The following CSMD2 variants were observed in gnomAD, a reference collection of about 807,000 sequenced individuals.
The protein encoded by CSMD2 is CUB and sushi domain-containing protein 2.
CSMD2 carries 130 observed loss-of-function variants against 398.5 expected under a neutral mutation model. The observed-to-expected ratio is 0.33, with a 90% confidence interval of 0.28 to 0.38. CSMD2 has a LOEUF of 0.38. CSMD2 is among the 10% of genes least tolerant of loss of function. The pLI, the probability that CSMD2 is intolerant of heterozygous loss-of-function variation, is 1.00. For missense variants in CSMD2, 3,829 were observed against 4,764.9 expected (o/e 0.80, Z 5.78); for synonymous variants, 1,828 against 1,908.5 (o/e 0.96, Z 1.10).
chr1:33,874,503 T>C (rs749002145), intron 5 of CSMD2, among the ~76,000 whole-genome samples: 4 of 152,092 alleles, frequency 2.6e-5, no homozygotes, highest in Non-Finnish European at 5.9e-5. Context: ...AATACCAGAG[T>C]ATTTGTATTT....
At chr1:33,599,906 T>C (rs1640096847) in intron 44 of CSMD2, 5 of 507,030 alleles carry the variant, frequency 9.9e-6, no homozygotes, top group Admixed American at 3.7e-5. Context: ...GTAATAACAC[T>C]GTATAGTCAC....
intron 22 of CSMD2, 122 bp from the exon 23 acceptor site, chr1:33,700,795 G>T: frequency 1.1e-6 from 1 of 922,946 alleles, no homozygotes; most frequent in Non-Finnish European, 1.7e-6. Flanking sequence ...CAGAGGCACA[G>T]TGAGTTATCA....
At chr1:33,542,975 A>G in intron 57 of CSMD2, 79 bp from the exon 58 acceptor site, 1 of 1,232,684 alleles carries the variant, frequency 8.1e-7, no homozygotes, top group South Asian at 1.4e-5. Context: ...CCCAGAGTGG[A>G]AGCCACATGC....
chr1:33,604,841 G>C (rs537131956), intron 42 of CSMD2, among the ~76,000 whole-genome samples: 1 of 152,208 alleles, frequency 6.6e-6, no homozygotes, highest in Admixed American at 6.5e-5. Context: ...AGCAGGGAGG[G>C]GGAAGATGAA....
intron 2 of CSMD2, among the ~76,000 whole-genome samples, chr1:34,052,775 A>T (rs1208021545): frequency 1.3e-5 from 2 of 152,112 alleles, no homozygotes; most frequent in African/African-American, 4.8e-5. Flanking sequence ...GTAAATATAC[A>T]CGAGATTGAA....
intron 21 of CSMD2, 66 bp downstream of exon 21, chr1:33,714,521 A>G: frequency 6.5e-7 from 1 of 1,543,658 alleles, no homozygotes; most frequent in South Asian, 1.2e-5. Flanking sequence ...CCACCACCTC[A>G]CATCAATTGA....
chr1:34,075,754 T>C (rs1433255848), intron 2 of CSMD2, among the ~76,000 whole-genome samples: 1 of 152,222 alleles, frequency 6.6e-6, no homozygotes, highest in Non-Finnish European at 1.5e-5. Flanking sequence ...CACATTAAAC[T>C]GCAATGCAAT....
In CSMD2 at chr1:33,924,523, T is replaced by C. The variant is rs145542092; in HGVS notation, c.713-6222A>G. Reference sequence around the variant, plus strand: ...ACATGGGGTGCAGGTATCCCTTTGATACATTGATTTCCTTTCCTTTGGATA... The same window carrying C: ...ACATGGGGTGCAGGTATCCCTTTGACACATTGATTTCCTTTCCTTTGGATA... On this transcript the variant is annotated intron_variant, in intron 4 of 70. Coordinates refer to ENST00000373381, the MANE Select transcript of CSMD2 (RefSeq NM_001281956.2). Among the ~76,000 whole-genome samples, 394 of 152,362 alleles carry C rather than the reference T, an allele frequency of 2.6e-3. 2 individuals carry two copies. The highest frequency in any genetic ancestry group is 8.9e-3 in the African/African-American group (370 of 41,588).
At chr1:34,116,641 T>G (rs534632557) in intron 1 of CSMD2, among the ~76,000 whole-genome samples, 1 of 152,028 alleles carries the variant, frequency 6.6e-6, no homozygotes, top group Non-Finnish European at 1.5e-5. Context: ...TATAGACCAA[T>G]TGGACCAAAT....
intron 5 of CSMD2, among the ~76,000 whole-genome samples, chr1:33,893,537 A>G (rs146854765): frequency 3.0e-3 from 454 of 152,304 alleles, no homozygotes; most frequent in Non-Finnish European, 5.3e-3. Context: ...CTGGCAGTTC[A>G]AGAGAGCGAT....
At chr1:33,800,845 G>C (rs1176440580) in intron 10 of CSMD2, among the ~76,000 whole-genome samples, 1 of 152,178 alleles carries the variant, frequency 6.6e-6, no homozygotes, top group Non-Finnish European at 1.5e-5. Context: ...ACTTGAGGAG[G>C]CTATTAAAGG....
intron 7 of CSMD2, among the ~76,000 whole-genome samples, chr1:33,821,098 AC>A (rs1392472385): frequency 6.6e-6 from 1 of 152,120 alleles, no homozygotes. Flanking sequence ...CTTCTGAGAA[AC>A]CTCTTCCCAT....
At chr1:33,802,483 T>A (rs1655718012) in intron 10 of CSMD2, among the ~76,000 whole-genome samples, 1 of 152,196 alleles carries the variant, frequency 6.6e-6, no homozygotes, top group Non-Finnish European at 1.5e-5. Context: ...CCTGCTTCTC[T>A]CTTTGGGCCT....
chr1:34,043,980 G>T (rs545592647), intron 2 of CSMD2, among the ~76,000 whole-genome samples: 1 of 152,298 alleles, frequency 6.6e-6, no homozygotes, highest in East Asian at 1.9e-4. Context: ...TTTGCCAGAA[G>T]AAAACTCTTG....
chr1:34,122,156 C>A (rs1047190039), intron 1 of CSMD2, among the ~76,000 whole-genome samples: 1 of 152,064 alleles, frequency 6.6e-6, no homozygotes, highest in Non-Finnish European at 1.5e-5. Context: ...TTAATTATCA[C>A]AACTCAGAGT....
chr1:33,942,688 T>C (rs1644714897), intron 3 of CSMD2, among the ~76,000 whole-genome samples: 1 of 152,238 alleles, frequency 6.6e-6, no homozygotes, highest in Non-Finnish European at 1.5e-5. Context: ...CCTCGGCTGC[T>C]CCAGGAGACT....
chr1:33,760,483 C>T (rs539500471), intron 13 of CSMD2, among the ~76,000 whole-genome samples: 7 of 152,192 alleles, frequency 4.6e-5, no homozygotes, highest in East Asian at 1.9e-4. Flanking sequence ...GGAAAATATA[C>T]GTAGCCAGAC....
At chr1:34,165,318 G>T, upstream of CSMD2, 2 of 1,198,266 alleles carry the variant, frequency 1.7e-6, no homozygotes, top group Non-Finnish European at 2.1e-6. Flanking sequence ...TTCGCGCCGG[G>T]GGGCGGGAGG....
intron 5 of CSMD2, among the ~76,000 whole-genome samples, chr1:33,865,001 A>AGGAG (rs1639913746): frequency 7.9e-6 from 1 of 126,162 alleles, no homozygotes; most frequent in Non-Finnish European, 1.7e-5. Context: ...AGGGAAAGGG[A>AGGAG]GGGAAGGGCT....
Sources: gnomAD v4.1 joint callset for allele counts (sites outside exome capture counted in the v4.1 genomes callset) on GRCh38, gnomAD v4.1.1 for gene constraint, MANE v1.5 for transcripts, NCBI Gene and HGNC (gene_info 2026-07-23, HGNC 2026-07-21) for gene names.